The following RPUSD1 variants were observed in gnomAD, a reference collection of about 807,000 sequenced individuals.
RPUSD1 encodes pseudouridylate synthase RPUSD1.
RPUSD1 carries 28 observed loss-of-function variants against 22.4 expected under a neutral mutation model. The observed-to-expected ratio is 1.25, with a 90% confidence interval of 0.93 to 1.72. The LOEUF (loss-of-function observed/expected upper bound fraction) is 1.72, where lower values mean the gene tolerates loss of function less well. RPUSD1 is among the 40% of genes most tolerant of loss of function. The pLI, the probability that RPUSD1 is intolerant of heterozygous loss-of-function variation, is 0.00. For synonymous variants in RPUSD1, 298 were observed against 201.0 expected (o/e 1.48, Z -4.08); for missense variants, 596 against 442.2 (o/e 1.35, Z -3.12).
chr16:785,372 G>A lies in RPUSD1; in HGVS notation c.*578C>T, dbSNP rs1225957637. 1.3e-5 allele frequency: 2 copies of A among 152,812 alleles called. No individual in the cohort carries two copies. Among genetic ancestry groups the A allele is most frequent in the Admixed American group, 1.3e-4 (2 of 15,294 alleles). The allele number at this position is 152,812 out of a possible 1,614,324, so 9.5% of individuals were successfully genotyped here. ...GGGCCTGCAGACTCGAGCCCAGCAG[G>A]GACCATTAGGTCTCGGGAGGAGGCA... On this transcript the variant is annotated 3_prime_UTR_variant, in exon 6 of 6. Transcript: ENST00000007264.
chr16:787,577 G>C lies in RPUSD1; in HGVS notation c.161C>G (p.Pro54Arg). The C allele has an allele frequency of 3.1e-6, 5 of 1,611,052 alleles. No individual in the cohort carries two copies. Among genetic ancestry groups the C allele is most frequent in the Non-Finnish European group, 3.4e-6 (4 of 1,179,852 alleles). The part of the protein sequence containing the change: ...LRYRFPELAD[P>R]DTCYGFRFCH... Reference sequence around the variant, plus strand: ...CTACCTGAACCCGTAGCAGGTGTCAGGGTCGGCCAGCTCGGGAAAGCGGTA... The same window carrying C: ...CTACCTGAACCCGTAGCAGGTGTCACGGTCGGCCAGCTCGGGAAAGCGGTA... The change falls in exon 2 of 6, where the codon CCT becomes CGT. Residue 54 changes from proline to arginine, a missense_variant. Coordinates refer to ENST00000007264, the MANE Select transcript of RPUSD1 (RefSeq NM_058192.3).
Position 787,753 on chromosome 16 carries a change from C to T in RPUSD1, c.-7-9G>A. 6.2e-7 allele frequency: 1 copy of T among 1,605,584 alleles called. No homozygotes were observed. Among genetic ancestry groups the T allele is most frequent in the Middle Eastern group, 1.7e-4 (1 of 6,052 alleles). ...CTGGCTCCATGGCCGGCCTGCCGAG[C>T]CACGCGTGGGTGCGTGTGCTGTGAG... On this transcript the variant is annotated splice_polypyrimidine_tract_variant and intron_variant, in intron 1 of 5. Coordinates refer to ENST00000007264, the MANE Select transcript of RPUSD1 (RefSeq NM_058192.3).
At position 787,591 on chromosome 16, in the gene RPUSD1, G is replaced by C. The variant is rs758632208; in HGVS notation, c.147C>G (p.Pro49=). The change falls in exon 2 of 6, where the codon CCC becomes CCG. Residue 49 remains proline (P), a synonymous_variant. Coordinates refer to ENST00000007264, the MANE Select transcript of RPUSD1 (RefSeq NM_058192.3). ...TLQKQLRYRF[P]ELADPDTCYG... is the part of the protein sequence containing the mutation. ...AGCAGGTGTCAGGGTCGGCCAGCTC[G>C]GGAAAGCGGTACCGCAGCTGCTTCT... 5.0e-6 allele frequency: 8 copies of C among 1,611,142 alleles called. No individual in the cohort carries two copies. The highest frequency in any genetic ancestry group is 4.0e-5 in the African/African-American group (3 of 74,942).
chr16:787,336 G>A lies in RPUSD1; in HGVS notation c.306+18C>T, dbSNP rs756729624. 27 of 1,576,294 alleles carry A rather than the reference G, an allele frequency of 1.7e-5. 1 individual carries two copies. In the Admixed American group the frequency reaches 2.1e-4, roughly 12 times the overall value. On this transcript the variant is annotated intron_variant, in intron 3 of 5. Coordinates refer to ENST00000007264, the MANE Select transcript of RPUSD1 (RefSeq NM_058192.3). ...TCCTGAGTCCCCACGCCCCACCCCA[G>A]GACTGACCAGGTCTTACCAATGCCA...
At position 785,995 on chromosome 16, in the gene RPUSD1, G is replaced by A; in HGVS notation, c.894C>T (p.Pro298=). Residue 298 remains proline, a synonymous_variant, in exon 6 of 6, where the codon CCC becomes CCT. Transcript: ENST00000007264. ...KPPETEAQRG[P]CLQWLSEWTL... Reference sequence around the variant, plus strand: ...TCCACTCCGACAGCCACTGCAGGCAGGGGCCCCGCTGTGCCTCAGTCTCAG... The same window carrying A: ...TCCACTCCGACAGCCACTGCAGGCAAGGGCCCCGCTGTGCCTCAGTCTCAG... 3 of 1,459,150 alleles carry A rather than the reference G, an allele frequency of 2.1e-6. No individual in the cohort carries two copies. Among genetic ancestry groups the A allele is most frequent in the Non-Finnish European group, 2.7e-6 (3 of 1,109,978 alleles). 90.4% of individuals were successfully genotyped at this position (1,459,150 alleles called of 1,614,324 possible).
chr16:787,882 G>A (rs933680596), intron 1 of RPUSD1, 138 bp from the exon 2 acceptor site: 4 of 769,418 alleles, frequency 5.2e-6, no homozygotes, highest in Non-Finnish European at 6.2e-6. Context: ...CTGTGCACCT[G>A]CATCCTCAGT....
chr16:787,500 G>A (rs2151634700), intron 2 of RPUSD1, 23 bp from the exon 3 acceptor site: 2 of 1,593,188 alleles, frequency 1.3e-6, no homozygotes, highest in Non-Finnish European at 1.7e-6. Flanking sequence ...AGAGTCCAGA[G>A]TCTGAGCCAC....
intron 5 of RPUSD1, 25 bp from the exon 6 acceptor site, chr16:786,402 T>A (rs1388489235): frequency 1.3e-6 from 2 of 1,588,118 alleles, no homozygotes; most frequent in Non-Finnish European, 1.7e-6. Flanking sequence ...CGGTGCCGGA[T>A]CAAGCTGGGA....
intron 1 of RPUSD1, 111 bp from the exon 2 acceptor site, chr16:787,855 C>A (rs1031074165): frequency 3.5e-6 from 4 of 1,137,374 alleles, no homozygotes; most frequent in Middle Eastern, 2.6e-4. Context: ...AGCCACCGAG[C>A]CGGGTCCGCA....
chr16:786,048 G>C lies in RPUSD1; in HGVS notation c.841C>G (p.Arg281Gly). 1 of 1,521,866 alleles carries C rather than the reference G, an allele frequency of 6.6e-7. No homozygotes were observed. The highest frequency in any genetic ancestry group is 8.8e-7 in the Non-Finnish European group (1 of 1,136,108). The allele number at this position is 1,521,866 out of a possible 1,614,324, so 94.3% of individuals were successfully genotyped here. Residue 281 changes from arginine to glycine, a missense_variant, in exon 6 of 6, where the codon CGG becomes GGG. Transcript: ENST00000007264. ...SPSALLPGPGRPPPPPTKPPE... is the reference protein window; with the variant it reads ...SPSALLPGPGGPPPPPTKPPE... ...GGCTTGGTTGGGGGTGGAGGAGGCC[G>C]GCCGGGCCCAGGCAGGAGTGCGGAG...
Position 787,139 on chromosome 16 carries a change from T to C in RPUSD1, c.347A>G (p.His116Arg). 5.0e-6 allele frequency: 8 copies of C among 1,608,454 alleles called. No homozygotes were observed. The highest frequency in any genetic ancestry group is 6.8e-6 in the Non-Finnish European group (8 of 1,179,616). Residue 116 changes from histidine to arginine, a missense_variant, in exon 4 of 6, where the codon CAT becomes CGT. Coordinates refer to ENST00000007264, the MANE Select transcript of RPUSD1 (RefSeq NM_058192.3). Reference protein sequence around the residue: ...HIQESRVTISHAIGRNSTEGR... With the variant: ...HIQESRVTISRAIGRNSTEGR... Reference sequence around the variant, plus strand: ...CTCCGTGCTGTTCCTGCCAATGGCATGGCTGATGGTTACCCGGCTCTCCTG... The same window carrying C: ...CTCCGTGCTGTTCCTGCCAATGGCACGGCTGATGGTTACCCGGCTCTCCTG...
At position 786,144 on chromosome 16, in the gene RPUSD1, G is replaced by A. The variant is rs2041899878; in HGVS notation, c.745C>T (p.Gln249Ter). Residue 249 changes from glutamine (Q) to a stop codon, truncating the protein, a stop_gained, in exon 6 of 6, where the codon CAG becomes TAG. Coordinates refer to ENST00000007264, the MANE Select transcript of RPUSD1 (RefSeq NM_058192.3). LOFTEE classifies it low-confidence loss of function (END_TRUNC). ...GTGGCCCGTAAGGCCTGCACGAGCT[G>A]GTCCAGCGACTGCAGCAGTGTGTGG... ...SPHTLLQSLD[Q>*]LVQALRATPD... is the part of the protein sequence containing the mutation. 1 of 1,610,366 alleles carries A rather than the reference G, an allele frequency of 6.2e-7. No individual in the cohort carries two copies. The highest frequency in any genetic ancestry group is 8.5e-7 in the Non-Finnish European group (1 of 1,178,136).
Position 787,168 on chromosome 16 carries a change from G to A in RPUSD1, c.318C>T (p.His106=), listed in dbSNP as rs577838379. 6.2e-7 allele frequency: 1 copy of A among 1,604,800 alleles called. No homozygotes were observed. Among genetic ancestry groups the A allele is most frequent in the South Asian group, 1.1e-5 (1 of 90,568 alleles). The change falls in exon 4 of 6, where the codon CAC becomes CAT. Residue 106 remains histidine (H), a synonymous_variant. Transcript: ENST00000007264. ...TGATGGTTACCCGGCTCTCCTGGAT[G>A]TGCCCCCGCAGCTGCAGGAGAGGGA... ...TKAYLALLRG[H]IQESRVTISH...
In RPUSD1 at chr16:786,095, CT is replaced by C. The variant is rs1567375086; in HGVS notation, c.793del (p.Arg265GlyfsTer65). 1.9e-6 allele frequency: 3 copies of C among 1,579,862 alleles called. No homozygotes were observed. The highest frequency in any genetic ancestry group is 2.6e-6 in the Non-Finnish European group (3 of 1,158,920). ...GGAGGGGCTGCCTGGCCTGGGGCCC[CT>C]ATCCTCGGGGTCAGGGTCGGGGGTG... ...RATPDPDPED[R>X]GPRPGSPSAL... On this transcript the variant is annotated frameshift_variant, in exon 6 of 6. Transcript: ENST00000007264. LOFTEE classifies it low-confidence loss of function (END_TRUNC).
Position 786,421 on chromosome 16 carries a change from G to T in RPUSD1, c.512-44C>A, listed in dbSNP as rs74001027. 4,163 of 1,561,186 alleles carry T rather than the reference G, an allele frequency of 2.7e-3. 52 individuals are homozygous for T. The African/African-American group carries it at 0.035, about 13-fold the overall frequency. ...GCCGGATCAAGCTGGGAGCGGGGCCGATCCACACCTATCTCCCTGACCAGG... is the reference window on the plus strand; with the variant it reads ...GCCGGATCAAGCTGGGAGCGGGGCCTATCCACACCTATCTCCCTGACCAGG... On this transcript the variant is annotated intron_variant, in intron 5 of 5. Coordinates refer to ENST00000007264, the MANE Select transcript of RPUSD1 (RefSeq NM_058192.3).
Position 788,267 on chromosome 16 carries a change from C to A in RPUSD1, c.-19G>T. On this transcript the variant is annotated 5_prime_UTR_variant, in exon 1 of 6. Transcript: ENST00000007264. ...ACGCCAAGACCAACCTGCTGCCGGG[C>A]CGTGCAGTCCAGGCCCCCGATGCCG... 2 of 359,454 alleles carry A rather than the reference C, an allele frequency of 5.6e-6. No homozygotes were observed. Among genetic ancestry groups the A allele is most frequent in the South Asian group, 2.0e-5 (1 of 50,956 alleles). 22.3% of individuals were successfully genotyped at this position (359,454 alleles called of 1,614,324 possible).
chr16:787,598 C>T lies in RPUSD1; in HGVS notation c.140G>A (p.Arg47His), dbSNP rs781155038. 3.1e-6 allele frequency: 5 copies of T among 1,611,304 alleles called. No homozygotes were observed. The South Asian group carries it at 5.5e-5, about 18-fold the overall frequency. The change falls in exon 2 of 6, where the codon CGC (arginine) becomes CAC (histidine). Residue 47 changes from arginine to histidine, a missense_variant. Coordinates refer to ENST00000007264, the MANE Select transcript of RPUSD1 (RefSeq NM_058192.3). ...GTCAGGGTCGGCCAGCTCGGGAAAG[C>T]GGTACCGCAGCTGCTTCTGCAGGGT... Reference protein sequence around the residue: ...TLTLQKQLRYRFPELADPDTC... With the variant: ...TLTLQKQLRYHFPELADPDTC...
Position 787,576 on chromosome 16 carries a change from A to C in RPUSD1, c.162T>G (p.Pro54=). The part of the protein sequence containing the change: ...LRYRFPELAD[P]DTCYGFRFCH... Reference sequence around the variant, plus strand: ...CCTACCTGAACCCGTAGCAGGTGTCAGGGTCGGCCAGCTCGGGAAAGCGGT... The same window carrying C: ...CCTACCTGAACCCGTAGCAGGTGTCCGGGTCGGCCAGCTCGGGAAAGCGGT... The change falls in exon 2 of 6, where the codon CCT becomes CCG. Residue 54 remains proline, a synonymous_variant. Coordinates refer to ENST00000007264, the MANE Select transcript of RPUSD1 (RefSeq NM_058192.3). The C allele has an allele frequency of 1.2e-6, 2 of 1,610,988 alleles. No individual in the cohort carries two copies. Among genetic ancestry groups the C allele is most frequent in the Non-Finnish European group, 1.7e-6 (2 of 1,179,822 alleles).
intron 5 of RPUSD1, 26 bp from the exon 6 acceptor site, chr16:786,403 C>T (rs750606632): frequency 2.5e-6 from 4 of 1,587,864 alleles, no homozygotes; most frequent in Non-Finnish European, 3.4e-6. Flanking sequence ...GGTGCCGGAT[C>T]AAGCTGGGAG....
Sources: allele counts gnomAD v4.1 joint callset, GRCh38; gene constraint gnomAD v4.1.1; transcripts MANE v1.5; gene names NCBI Gene and HGNC (gene_info 2026-07-23, HGNC 2026-07-21).